HECW2: variants seen among roughly 807,000 people sequenced by gnomAD.
The protein encoded by HECW2 is HECT, C2 and WW domain containing E3 ubiquitin protein ligase 2.
In HECW2, 61 loss-of-function variants were observed where a neutral mutation model predicts 175.2. The ratio of observed to expected loss-of-function variants is 0.35; its 90% CI spans 0.28 to 0.43. The LOEUF is 0.43. Among genes scored for constraint, HECW2 ranks in the 20% least tolerant of loss-of-function variants. The pLI, the probability that HECW2 is intolerant of heterozygous loss-of-function variation, is 1.00. For missense variants in HECW2, 1,524 were observed against 2,000.5 expected, an observed-to-expected ratio of 0.76 and a Z score of 4.54; for synonymous variants, 671 against 731.0, an observed-to-expected ratio of 0.92 and a Z score of 1.32.
Position 196,322,542 on chromosome 2 carries a change from T to C in HECW2, c.820A>G (p.Ile274Val). The part of the protein sequence containing the change: ...KDKFAKSRPI[I>V]KRFLGKLTIP... Reference sequence around the variant, plus strand: ...GTTAGTTTCCCCAGAAAACGCTTGATGATGGGACGGCTCTTGGCAAATTTG... The same window carrying C: ...GTTAGTTTCCCCAGAAAACGCTTGACGATGGGACGGCTCTTGGCAAATTTG... The change falls in exon 7 of 29, where the codon ATC becomes GTC. Residue 274 changes from isoleucine (I) to valine (V), a missense_variant. Ile to Val is a conservative substitution (Grantham distance 29). Transcript: ENST00000644978. The C allele has an allele frequency of 1.2e-6, 2 of 1,614,050 alleles. No individual in the cohort carries two copies. The highest frequency in any genetic ancestry group is 8.5e-7 in the Non-Finnish European group (1 of 1,179,934).
intron 1 of HECW2, among the ~76,000 whole-genome samples, chr2:196,591,813 C>A (rs1691204475): frequency 6.6e-6 from 1 of 152,196 alleles, no homozygotes; most frequent in Non-Finnish European, 1.5e-5. Flanking sequence ...ATTTTCACGC[C>A]ATTAATAATA....
rs1575250880 is a variant in HECW2 at position 196,225,739 on chromosome 2, T to A, written c.4016+33A>T. The A allele has an allele frequency of 3.1e-6, 4 of 1,288,216 alleles. No individual in the cohort carries two copies. The East Asian group carries it at 9.2e-5, about 30-fold the overall frequency. The allele number at this position is 1,288,216 out of a possible 1,614,324, so 79.8% of individuals were successfully genotyped here. On this transcript the variant is annotated intron_variant, in intron 23 of 28. Coordinates refer to ENST00000644978, the MANE Select transcript of HECW2 (RefSeq NM_001348768.2). ...AAAAAAGTAAATACTGCATTTTACA[T>A]GCTAATTATGCAGGCAATAAAAATA...
intron 26 of HECW2, among the ~76,000 whole-genome samples, chr2:196,219,464 T>G (rs79045295): frequency 0.032 from 4,935 of 152,306 alleles, 237 homozygotes; most frequent in African/African-American, 0.11. Flanking sequence ...TCCCATTTTG[T>G]GAAGTGTCAG....
chr2:196,520,635 G>A (rs1209380571), intron 1 of HECW2, among the ~76,000 whole-genome samples: 2 of 152,208 alleles, frequency 1.3e-5, no homozygotes, highest in African/African-American at 2.4e-5. Flanking sequence ...TTGGAGGTTA[G>A]AAATGTTCAC....
At chr2:196,368,888 T>G in intron 2 of HECW2, among the ~76,000 whole-genome samples, 1 of 152,126 alleles carries the variant, frequency 6.6e-6, no homozygotes, top group East Asian at 1.9e-4. Flanking sequence ...TTTGTTTACT[T>G]GAATTTCTTT....
chr2:196,588,666 A>C (rs1691074172), intron 1 of HECW2, among the ~76,000 whole-genome samples: 1 of 152,220 alleles, frequency 6.6e-6, no homozygotes, highest in Non-Finnish European at 1.5e-5. Context: ...GCATACACAC[A>C]CACACACATA....
At chr2:196,538,342 T>C (rs567629016) in intron 1 of HECW2, among the ~76,000 whole-genome samples, 2 of 152,300 alleles carry the variant, frequency 1.3e-5, no homozygotes, top group African/African-American at 4.8e-5. Flanking sequence ...GATTCTGTGA[T>C]ACAAGCAGTT....
At chr2:196,423,783 AT>A (rs954448447) in intron 2 of HECW2, among the ~76,000 whole-genome samples, 9 of 151,566 alleles carry the variant, frequency 5.9e-5, no homozygotes, top group African/African-American at 1.9e-4. Context: ...CTTGGCTATT[AT>A]AAATAGTGCT....
At chr2:196,225,724 A>G in intron 23 of HECW2, 48 bp downstream of exon 23, 1 of 1,174,744 alleles carries the variant, frequency 8.5e-7, no homozygotes, top group Non-Finnish European at 1.3e-6. Context: ...AAAAAAGTAA[A>G]TACTGCATTT....
At chr2:196,357,172 C>T (rs1000740965) in intron 2 of HECW2, among the ~76,000 whole-genome samples, 5 of 152,228 alleles carry the variant, frequency 3.3e-5, no homozygotes, top group Non-Finnish European at 5.9e-5. Context: ...CCCAGGCCAA[C>T]GACCAAGCAT....
intron 1 of HECW2, among the ~76,000 whole-genome samples, chr2:196,578,279 A>G (rs1043604734): frequency 3.9e-5 from 6 of 152,180 alleles, no homozygotes; most frequent in African/African-American, 7.2e-5. Context: ...AAAAAGAATC[A>G]GTGTACTTGA....
intron 10 of HECW2, 56 bp from the exon 11 acceptor site, chr2:196,308,141 A>G: frequency 7.5e-7 from 1 of 1,334,748 alleles, no homozygotes. Context: ...GATGATTAAT[A>G]GGGTTCATTA....
intron 2 of HECW2, among the ~76,000 whole-genome samples, chr2:196,423,684 T>TTGTGTGTGTGTGTGTGTG (rs60030164): frequency 0.037 from 5,210 of 139,938 alleles, 164 homozygotes; most frequent in African/African-American, 0.072. Flanking sequence ...TAGTATTCCA[T>TTGTGTGTGTGTGTGTGTG]TGTGTGTGTG....
At chr2:196,505,996 A>T (rs1453906740) in intron 1 of HECW2, among the ~76,000 whole-genome samples, 1 of 152,154 alleles carries the variant, frequency 6.6e-6, no homozygotes, top group Non-Finnish European at 1.5e-5. Context: ...GGAGCAACAG[A>T]GCAGGGGTAT....
chr2:196,534,555 A>C (rs1321512723), intron 1 of HECW2, among the ~76,000 whole-genome samples: 1 of 152,228 alleles, frequency 6.6e-6, no homozygotes, highest in Non-Finnish European at 1.5e-5. Flanking sequence ...ATCTTCTTCT[A>C]GTCTCTGATG....
chr2:196,369,339 G>A (rs1433576269), intron 2 of HECW2, among the ~76,000 whole-genome samples: 2 of 106,428 alleles, frequency 1.9e-5, no homozygotes, highest in Non-Finnish European at 3.8e-5. Flanking sequence ...CTAAACAAAT[G>A]GAGTCTCTCT....
chr2:196,343,799 T>C (rs930473634), intron 2 of HECW2, 35 bp from the exon 3 acceptor site: 3 of 1,303,100 alleles, frequency 2.3e-6, no homozygotes, highest in Non-Finnish European at 3.3e-6. Flanking sequence ...TCAGATTAAT[T>C]ATAACCTTTC....
chr2:196,267,017 A>C (rs1292293793), intron 17 of HECW2, among the ~76,000 whole-genome samples: 1 of 152,204 alleles, frequency 6.6e-6, no homozygotes, highest in Non-Finnish European at 1.5e-5. Flanking sequence ...GGAATGATCT[A>C]ATCTACCCAG....
chr2:196,356,265 A>G (rs551496035), intron 2 of HECW2, among the ~76,000 whole-genome samples: 7 of 152,360 alleles, frequency 4.6e-5, no homozygotes, highest in African/African-American at 1.4e-4. Flanking sequence ...TTTAACAATG[A>G]GGAGAGTAAA....
Sources: gnomAD v4.1 joint callset for allele counts (sites outside exome capture counted in the v4.1 genomes callset) on GRCh38, gnomAD v4.1.1 for gene constraint, MANE v1.5 for transcripts, NCBI Gene and HGNC (gene_info 2026-07-23, HGNC 2026-07-21) for gene names.